Variants in PIK3CB observed in about 807,000 individuals in gnomAD.
PIK3CB encodes the protein phosphatidylinositol-4,5-bisphosphate 3-kinase catalytic subunit beta.
Under a neutral mutation model 136.8 loss-of-function variants are expected in PIK3CB, and 39 were observed. That is an observed-to-expected ratio of 0.29 (90% CI 0.22 to 0.37). The LOEUF (loss-of-function observed/expected upper bound fraction) is 0.37, where lower values mean the gene tolerates loss of function less well. PIK3CB is among the 10% of genes least tolerant of loss of function. The pLI, the probability that PIK3CB is intolerant of heterozygous loss-of-function variation, is 1.00. For synonymous variants in PIK3CB, 428 were observed against 436.6 expected (o/e 0.98, Z 0.25); for missense variants, 868 against 1,275.4 (o/e 0.68, Z 4.87).
intron 1 of PIK3CB, among the ~76,000 whole-genome samples, chr3:138,797,520 C>A (rs1034056740): frequency 3.9e-5 from 6 of 152,194 alleles, no homozygotes; most frequent in Middle Eastern, 3.4e-3. Flanking sequence ...TTTTCACTTT[C>A]TTTAAGGTGT....
chr3:138,734,772 C>T lies in PIK3CB; in HGVS notation c.834G>A (p.Leu278=), dbSNP rs1175259948. ...AGCATTCCACAAGTATAAAATGGGGCAGGGCTCTGTTCATCACACAGTTCC... is the reference window on the plus strand; with the variant it reads ...AGCATTCCACAAGTATAAAATGGGGTAGGGCTCTGTTCATCACACAGTTCC... The part of the protein sequence containing the change: ...YIRNCVMNRA[L]PHFILVECCK... Residue 278 remains leucine, a synonymous_variant, in exon 7 of 24, where the codon CTG becomes CTA. Coordinates refer to ENST00000674063, the MANE Select transcript of PIK3CB (RefSeq NM_006219.3). 6.2e-7 allele frequency: 1 copy of T among 1,613,010 alleles called. No homozygotes were observed. Among genetic ancestry groups the T allele is most frequent in the East Asian group, 2.2e-5 (1 of 44,840 alleles).
chr3:138,657,940 A>G, intron 21 of PIK3CB, 105 bp from the exon 22 acceptor site: 2 of 1,039,050 alleles, frequency 1.9e-6, no homozygotes, highest in South Asian at 3.3e-5. Context: ...ACCCATCCAC[A>G]TCTGAGCCCT....
intron 1 of PIK3CB, among the ~76,000 whole-genome samples, chr3:138,824,021 T>C (rs1354943704): frequency 1.3e-5 from 2 of 152,204 alleles, no homozygotes; most frequent in Non-Finnish European, 2.9e-5. Context: ...CCTTCCATCT[T>C]TTCTCAACTT....
At chr3:138,807,185 G>A (rs951055680) in intron 1 of PIK3CB, among the ~76,000 whole-genome samples, 5 of 152,150 alleles carry the variant, frequency 3.3e-5, no homozygotes, top group African/African-American at 1.2e-4. Context: ...TATAACCCTA[G>A]CACTTTGGGA....
intron 4 of PIK3CB, among the ~76,000 whole-genome samples, chr3:138,755,335 T>A (rs1448065669): frequency 1.3e-5 from 2 of 152,164 alleles, no homozygotes; most frequent in African/African-American, 4.8e-5. Context: ...CAAAGATCAA[T>A]ATTTTTGTAA....
At chr3:138,810,402 C>T (rs1486592229) in intron 1 of PIK3CB, among the ~76,000 whole-genome samples, 3 of 152,098 alleles carry the variant, frequency 2.0e-5, no homozygotes, top group Non-Finnish European at 4.4e-5. Flanking sequence ...CAAACTACCT[C>T]AGCCAGCTGA....
intron 19 of PIK3CB, among the ~76,000 whole-genome samples, chr3:138,680,572 A>C (rs2043751202): frequency 6.6e-6 from 1 of 152,122 alleles, no homozygotes; most frequent in Non-Finnish European, 1.5e-5. Flanking sequence ...TCATACATTA[A>C]GGTTTATATT....
chr3:138,760,067 G>A (rs940267205), intron 2 of PIK3CB, among the ~76,000 whole-genome samples: 7 of 151,968 alleles, frequency 4.6e-5, no homozygotes, highest in Admixed American at 4.6e-4. Flanking sequence ...GACTACAGGC[G>A]CCTGCCACCA....
In PIK3CB at chr3:138,714,692, C is replaced by A. The variant is rs1353120083; in HGVS notation, c.1078G>T (p.Gly360Cys). 6.2e-7 allele frequency: 1 copy of A among 1,609,636 alleles called. No homozygotes were observed. Among genetic ancestry groups the A allele is most frequent in the African/African-American group, 1.3e-5 (1 of 74,706 alleles). Residue 360 changes from glycine to cysteine, a missense_variant, in exon 9 of 24, where the codon GGT (glycine) becomes TGT (cysteine). Physicochemically the swap from Gly to Cys is radical, Grantham distance 159. This residue lies in a region of PIK3CB where 612 missense variants were observed against 801.1 expected (regional missense o/e 0.76). Transcript: ENST00000674063. The part of the protein sequence containing the change: ...KVHVRAGLFH[G>C]TELLCKTIVS... ...ATGGTTTTACACAGGAGCTCAGTAC[C>A]ATGAAAAAGACCAGCCCTGACATGA...
chr3:138,781,004 T>A (rs958542121), intron 2 of PIK3CB, among the ~76,000 whole-genome samples: 1 of 152,070 alleles, frequency 6.6e-6, no homozygotes, highest in African/African-American at 2.4e-5. Flanking sequence ...AGTCTTTACA[T>A]AAAAATGAAA....
Position 138,714,460 on chromosome 3 carries a change from A to G in PIK3CB, c.1302+8T>C, listed in dbSNP as rs762461689. ...TAAAACAATCCTCAGAAGTTGGTAT[A>G]TCATTACCACTTTTCCAGCTTTCCT... On this transcript the variant is annotated splice_region_variant and intron_variant, in intron 9 of 23. Transcript: ENST00000674063. 6.3e-7 allele frequency: 1 copy of G among 1,587,006 alleles called. No homozygotes were observed. The highest frequency in any genetic ancestry group is 2.2e-5 in the East Asian group (1 of 44,694).
chr3:138,752,216 AAC>A (rs2045485860), intron 4 of PIK3CB, among the ~76,000 whole-genome samples: 1 of 152,206 alleles, frequency 6.6e-6, no homozygotes, highest in African/African-American at 2.4e-5. Flanking sequence ...ATTTGGAATA[AAC>A]ACAGAAAAAA....
intron 1 of PIK3CB, among the ~76,000 whole-genome samples, chr3:138,805,380 A>G (rs1439309161): frequency 1.3e-5 from 2 of 151,386 alleles, no homozygotes; most frequent in African/African-American, 4.9e-5. Context: ...TATTAAAAAC[A>G]GAATTAGGGG....
chr3:138,826,309 A>G, intron 1 of PIK3CB: 2 of 1,597,566 alleles, frequency 1.3e-6, no homozygotes, highest in South Asian at 1.1e-5. Flanking sequence ...GTCTGCCCAG[A>G]AAGCTCAGAA....
chr3:138,830,338 T>G (rs1933970880), intron 1 of PIK3CB, among the ~76,000 whole-genome samples: 1 of 150,332 alleles, frequency 6.7e-6, no homozygotes, highest in South Asian at 2.1e-4. Context: ...TCACCTGAGG[T>G]TAGGAGTTCT....
chr3:138,720,137 C>T (rs1019063037), intron 8 of PIK3CB, among the ~76,000 whole-genome samples: 1 of 152,182 alleles, frequency 6.6e-6, no homozygotes, highest in Non-Finnish European at 1.5e-5. Flanking sequence ...CTGAGGCAAA[C>T]AACCCATCTG....
Position 138,657,765 on chromosome 3 carries a change from A to C in PIK3CB, c.2867T>G (p.Val956Gly). Residue 956 changes from valine to glycine, a missense_variant, in exon 22 of 24, where the codon GTG becomes GGG. Val to Gly is a moderately radical substitution (Grantham distance 109). Coordinates refer to ENST00000674063, the MANE Select transcript of PIK3CB (RefSeq NM_006219.3). ...KSKFGIKRER[V>G]PFILTYDFIH... is the part of the protein sequence containing the mutation. Reference sequence around the variant, plus strand: ...GAAATCATAGGTAAGAATAAAAGGCACTCGCTCCCTTTTAATGCCAAACTT... The same window carrying C: ...GAAATCATAGGTAAGAATAAAAGGCCCTCGCTCCCTTTTAATGCCAAACTT... 1 of 1,612,522 alleles carries C rather than the reference A, an allele frequency of 6.2e-7. No homozygotes were observed. Among genetic ancestry groups the C allele is most frequent in the Non-Finnish European group, 8.5e-7 (1 of 1,178,884 alleles).
In PIK3CB at chr3:138,694,778, G is replaced by A; in HGVS notation, c.1892+8C>T. 5 of 1,611,374 alleles carry A rather than the reference G, an allele frequency of 3.1e-6. No individual in the cohort carries two copies. Among genetic ancestry groups the A allele is most frequent in the Non-Finnish European group, 4.2e-6 (5 of 1,178,762 alleles). On this transcript the variant is annotated splice_region_variant and intron_variant, in intron 14 of 23. Transcript: ENST00000674063. Reference sequence around the variant, plus strand: ...CTTGCCCCAAAGAAAACCACCTGCAGAAGATACCTCATCTGTCGCAGGCAG... The same window carrying A: ...CTTGCCCCAAAGAAAACCACCTGCAAAAGATACCTCATCTGTCGCAGGCAG...
At chr3:138,733,589 T>C in intron 7 of PIK3CB, 151 bp from the exon 8 acceptor site, 1 of 496,880 alleles carries the variant, frequency 2.0e-6, no homozygotes, top group Non-Finnish European at 3.6e-6. Context: ...TATACTAAAT[T>C]AAGCATTGAC....
Sources: gnomAD v4.1 joint callset for allele counts (sites outside exome capture counted in the v4.1 genomes callset) on GRCh38, gnomAD v4.1.1 for gene constraint, gnomAD v4.1.1 regional missense constraint, MANE v1.5 for transcripts, NCBI Gene and HGNC (gene_info 2026-07-23, HGNC 2026-07-21) for gene names.